ABHD12: variants seen among roughly 807,000 people sequenced by gnomAD.
The protein encoded by ABHD12 is abhydrolase domain containing 12, lysophospholipase.
ABHD12 carries 43 observed loss-of-function variants against 58.3 expected under a neutral mutation model. That is an observed-to-expected ratio of 0.74 (90% CI 0.58 to 0.95). The LOEUF is 0.95. ABHD12 is among the 40% of genes least tolerant of loss of function. The pLI is 0.00. For missense variants in ABHD12, 539 were observed against 537.2 expected (o/e 1.00, Z -0.03); for synonymous variants, 219 against 211.2 (o/e 1.04, Z -0.32).
At chr20:25,296,465 C>A, downstream of ABHD12, 2 of 1,613,972 alleles carry the variant, frequency 1.2e-6, no homozygotes, top group Non-Finnish European at 8.5e-7. Flanking sequence ...CACGGGAGAT[C>A]TGGGGTGTGG....
downstream of ABHD12, chr20:25,296,685 G>A (rs1228029344): frequency 6.5e-6 from 6 of 928,192 alleles, no homozygotes; most frequent in Non-Finnish European, 9.4e-6. Context: ...AGAGAGCAGG[G>A]TAAGGAAGGA....
At chr20:25,313,033 T>A (rs2145948427) in intron 6 of ABHD12, among the ~76,000 whole-genome samples, 1 of 152,060 alleles carries the variant, frequency 6.6e-6, no homozygotes, top group African/African-American at 2.4e-5. Flanking sequence ...GGCTGCCCCT[T>A]CTGGGAAGTG....
chr20:25,324,036 C>T (rs997089090), intron 2 of ABHD12, among the ~76,000 whole-genome samples: 1 of 152,158 alleles, frequency 6.6e-6, no homozygotes, highest in African/African-American at 2.4e-5. Flanking sequence ...ATCCATAGGA[C>T]CCATGCAGAG....
At chr20:25,318,115 G>A (rs2088996900) in intron 4 of ABHD12, among the ~76,000 whole-genome samples, 1 of 152,202 alleles carries the variant, frequency 6.6e-6, no homozygotes, top group Admixed American at 6.5e-5. Context: ...TCAGGAGTTT[G>A]AGACCAGCCT....
chr20:25,385,873 C>T (rs967153795), intron 1 of ABHD12, among the ~76,000 whole-genome samples: 5 of 151,882 alleles, frequency 3.3e-5, no homozygotes, highest in East Asian at 1.9e-4. Context: ...CCAAGGCAGG[C>T]GGATCACGAG....
chr20:25,382,981 A>G (rs2090040471), intron 1 of ABHD12, among the ~76,000 whole-genome samples: 1 of 152,176 alleles, frequency 6.6e-6, no homozygotes, highest in African/African-American at 2.4e-5. Flanking sequence ...AGCCAGCCCC[A>G]TGCCTTGTCA....
intron 1 of ABHD12, among the ~76,000 whole-genome samples, chr20:25,349,894 TAA>T (rs2089575265): frequency 1.3e-5 from 2 of 152,210 alleles, no homozygotes; most frequent in African/African-American, 4.8e-5. Flanking sequence ...GTTAAAATGG[TAA>T]GTTTTATGTT....
At chr20:25,299,519 T>C (rs1417286112), downstream of ABHD12, among the ~76,000 whole-genome samples, 1 of 148,768 alleles carries the variant, frequency 6.7e-6, no homozygotes, top group South Asian at 2.1e-4. Flanking sequence ...GAGGAAAAGA[T>C]GAAGGCCAGC....
intron 1 of ABHD12, among the ~76,000 whole-genome samples, chr20:25,351,504 T>C (rs2089599792): frequency 6.6e-6 from 1 of 152,256 alleles, no homozygotes; most frequent in African/African-American, 2.4e-5. Context: ...GGCTGTGTAC[T>C]GCAGCCTCCT....
chr20:25,383,678 G>A (rs780396652), intron 1 of ABHD12, among the ~76,000 whole-genome samples: 15 of 152,060 alleles, frequency 9.9e-5, no homozygotes, highest in Non-Finnish European at 1.5e-4. Flanking sequence ...AATTAAGGCC[G>A]GGCACAGTGG....
At chr20:25,320,068 G>A (rs1217850964) in intron 4 of ABHD12, 131 bp downstream of exon 4, 1 of 1,290,572 alleles carries the variant, frequency 7.7e-7, no homozygotes, top group South Asian at 1.3e-5. Context: ...CCTCATTGCA[G>A]TGGGTCAGTA....
intron 1 of ABHD12, among the ~76,000 whole-genome samples, chr20:25,351,080 A>T (rs113758818): frequency 0.021 from 3,188 of 152,184 alleles, 101 homozygotes; most frequent in African/African-American, 0.072. Context: ...GTATTGCCAT[A>T]TGCATAATAA....
At chr20:25,327,229 G>A (rs1444660852) in intron 2 of ABHD12, among the ~76,000 whole-genome samples, 2 of 152,230 alleles carry the variant, frequency 1.3e-5, no homozygotes, top group Non-Finnish European at 2.9e-5. Context: ...AGCACTTTGG[G>A]AGGCCGAGGT....
intron 2 of ABHD12, among the ~76,000 whole-genome samples, chr20:25,332,460 T>C (rs1417141835): frequency 2.4e-5 from 3 of 124,198 alleles, no homozygotes; most frequent in Non-Finnish European, 5.7e-5. Flanking sequence ...GAAGACCTAA[T>C]AGACATCTAC....
At chr20:25,307,245 CA>C (rs1302738308) in intron 9 of ABHD12, among the ~76,000 whole-genome samples, 5 of 152,244 alleles carry the variant, frequency 3.3e-5, no homozygotes, top group Non-Finnish European at 7.3e-5. Flanking sequence ...CCGCAGACAC[CA>C]GGGCCGCCAC....
downstream of ABHD12, among the ~76,000 whole-genome samples, chr20:25,295,298 T>C (rs79165116): frequency 4.3e-3 from 661 of 152,382 alleles, 3 homozygotes; most frequent in Non-Finnish European, 8.1e-3. Flanking sequence ...GCCTCTCCCA[T>C]GTGCAGCTCT....
intron 1 of ABHD12, among the ~76,000 whole-genome samples, chr20:25,346,235 A>T (rs1268174408): frequency 6.6e-6 from 1 of 152,238 alleles, no homozygotes; most frequent in Non-Finnish European, 1.5e-5. Flanking sequence ...AAGGCTACAT[A>T]CTATATGACT....
intron 1 of ABHD12, among the ~76,000 whole-genome samples, chr20:25,384,977 G>GTA (rs1161852787): frequency 6.6e-6 from 1 of 152,120 alleles, no homozygotes; most frequent in Non-Finnish European, 1.5e-5. Context: ...ATGTGTGTGT[G>GTA]TATATATATT....
chr20:25,360,222 C>G (rs1201201857), intron 1 of ABHD12, among the ~76,000 whole-genome samples: 1 of 77,042 alleles, frequency 1.3e-5, no homozygotes, highest in African/African-American at 4.6e-5. Context: ...ACCTTGAACA[C>G]GTTACTTTTT....
Sources: gnomAD v4.1 joint callset for allele counts (sites outside exome capture counted in the v4.1 genomes callset) on GRCh38, gnomAD v4.1.1 for gene constraint, MANE v1.5 for transcripts, NCBI Gene and HGNC (gene_info 2026-07-23, HGNC 2026-07-21) for gene names.